Variants in ARHGAP26 observed in about 807,000 individuals in gnomAD.
The protein encoded by ARHGAP26 is Rho GTPase activating protein 26.
A neutral mutation model predicts 104.8 loss-of-function variants in ARHGAP26; 38 were observed. The ratio of observed to expected loss-of-function variants is 0.36; its 90% confidence interval spans 0.28 to 0.48. ARHGAP26 has a LOEUF of 0.48. Ranked by LOEUF, ARHGAP26 falls within the 20% of genes least tolerant of loss-of-function variation. The pLI is 0.99. For synonymous variants in ARHGAP26, 341 were observed against 340.0 expected (o/e 1.00, Z -0.03); for missense variants, 704 against 947.9 (o/e 0.74, Z 3.38).
In ARHGAP26 at chr5:143,031,936, C is replaced by T. The variant is rs117576564; in HGVS notation, c.1145-5260C>T. 2.0e-3 allele frequency among the ~76,000 whole-genome samples: 309 copies of T among 152,224 alleles called. 4 individuals are homozygous for T. The East Asian group carries it at 0.041, about 20-fold the overall frequency. On this transcript the variant is annotated intron_variant, in intron 12 of 22. Coordinates refer to ENST00000645722, the MANE Select transcript of ARHGAP26 (RefSeq NM_001135608.3). ...TCTCTGGATGTAACCTGCCTCCAGCCTCCCGGGGTTCATATCCTAGGCATG... is the reference window on the plus strand; with the variant it reads ...TCTCTGGATGTAACCTGCCTCCAGCTTCCCGGGGTTCATATCCTAGGCATG...
intron 11 of ARHGAP26, among the ~76,000 whole-genome samples, chr5:142,934,944 C>G (rs867208222): frequency 6.6e-6 from 1 of 152,018 alleles, no homozygotes; most frequent in Non-Finnish European, 1.5e-5. Context: ...TTAAATCATA[C>G]TTTTTTAATA....
chr5:142,799,281 A>G (rs936521441), intron 1 of ARHGAP26, among the ~76,000 whole-genome samples: 2 of 152,046 alleles, frequency 1.3e-5, no homozygotes, highest in Non-Finnish European at 2.9e-5. Context: ...ATTCGTTACA[A>G]CTCAGACTAT....
At chr5:142,775,947 C>G (rs1756235805) in intron 1 of ARHGAP26, among the ~76,000 whole-genome samples, 1 of 152,088 alleles carries the variant, frequency 6.6e-6, no homozygotes, top group Non-Finnish European at 1.5e-5. Flanking sequence ...AGTATGATCA[C>G]TAACACTTGG....
At chr5:143,018,650 A>G (rs772594315) in intron 12 of ARHGAP26, among the ~76,000 whole-genome samples, 12 of 152,156 alleles carry the variant, frequency 7.9e-5, no homozygotes, top group Non-Finnish European at 1.3e-4. Flanking sequence ...TTAGGTTTGC[A>G]TATTTTAGTT....
chr5:143,151,131 A>G (rs2151003458), intron 20 of ARHGAP26, among the ~76,000 whole-genome samples: 1 of 152,388 alleles, frequency 6.6e-6, no homozygotes, highest in Middle Eastern at 3.4e-3. Context: ...TACCTCATCA[A>G]AAAGGACATA....
At chr5:142,836,020 G>A (rs1769482370) in intron 1 of ARHGAP26, among the ~76,000 whole-genome samples, 1 of 152,228 alleles carries the variant, frequency 6.6e-6, no homozygotes, top group Admixed American at 6.5e-5. Flanking sequence ...CCAGGCCAGG[G>A]CATCTGAATC....
At chr5:143,030,433 G>A (rs1041985433) in intron 12 of ARHGAP26, among the ~76,000 whole-genome samples, 1 of 152,160 alleles carries the variant, frequency 6.6e-6, no homozygotes, top group African/African-American at 2.4e-5. Context: ...ACCTAAATTT[G>A]CTTTTGTCTC....
chr5:142,792,120 G>A (rs1282438502), intron 1 of ARHGAP26, among the ~76,000 whole-genome samples: 1 of 152,072 alleles, frequency 6.6e-6, no homozygotes, highest in African/African-American at 2.4e-5. Context: ...CTCATACATT[G>A]TTTGCTGACA....
chr5:142,961,143 G>A (rs1259323684), intron 11 of ARHGAP26, among the ~76,000 whole-genome samples: 3 of 152,060 alleles, frequency 2.0e-5, no homozygotes, highest in African/African-American at 7.2e-5. Context: ...TCTCTTCCAT[G>A]TCTAGATCAG....
At chr5:142,866,246 C>T (rs1754262886) in intron 1 of ARHGAP26, among the ~76,000 whole-genome samples, 1 of 152,144 alleles carries the variant, frequency 6.6e-6, no homozygotes, top group Non-Finnish European at 1.5e-5. Context: ...TCTTTGAATA[C>T]ATTGATACCA....
chr5:143,010,357 A>G (rs867401263), intron 11 of ARHGAP26, among the ~76,000 whole-genome samples: 1 of 152,214 alleles, frequency 6.6e-6, no homozygotes, highest in Non-Finnish European at 1.5e-5. Context: ...CTCAGGTTCC[A>G]TATCTCTAAA....
At chr5:142,945,999 C>G (rs971737875) in intron 11 of ARHGAP26, among the ~76,000 whole-genome samples, 1 of 152,170 alleles carries the variant, frequency 6.6e-6, no homozygotes, top group South Asian at 2.1e-4. Context: ...TAGCTGATGT[C>G]CAGATAGTTG....
rs1770610117 is a variant in ARHGAP26 at position 142,963,181 on chromosome 5, T to TATATATATATATATAC, written c.1107+31071_1107+31072insCATATATATATATATA. ...ATTCCATGGTATATATGTATATATA[T>TATATATATATATATAC]ATATATATATATATATATGTGTGTG... On this transcript the variant is annotated intron_variant, in intron 11 of 22. Transcript: ENST00000645722. 7.6e-4 allele frequency among the ~76,000 whole-genome samples: 85 copies of TATATATATATATATAC among 111,494 alleles called. 5 individuals are homozygous for TATATATATATATATAC. Among genetic ancestry groups the TATATATATATATATAC allele is most frequent in the African/African-American group, 4.1e-3 (80 of 19,562 alleles). 73.1% of individuals were successfully genotyped at this position (111,494 alleles called of 152,430 possible).
intron 17 of ARHGAP26, among the ~76,000 whole-genome samples, chr5:143,096,036 AATT>A (rs1792258901): frequency 6.6e-6 from 1 of 152,244 alleles, no homozygotes; most frequent in Admixed American, 6.5e-5. Context: ...TTTTTAAAAA[AATT>A]ATTACAATGT....
intron 17 of ARHGAP26, among the ~76,000 whole-genome samples, chr5:143,115,637 C>T (rs138564541): frequency 5.3e-5 from 8 of 152,160 alleles, no homozygotes; most frequent in African/African-American, 1.9e-4. Flanking sequence ...AGCACTACCT[C>T]GACAGCCACC....
At chr5:142,823,421 T>C (rs1050016065) in intron 1 of ARHGAP26, among the ~76,000 whole-genome samples, 2 of 152,186 alleles carry the variant, frequency 1.3e-5, no homozygotes, top group African/African-American at 4.8e-5. Flanking sequence ...TCTTCTTCCC[T>C]GCAGAAATAA....
At chr5:143,038,979 G>A (rs1783065093) in intron 13 of ARHGAP26, among the ~76,000 whole-genome samples, 1 of 151,710 alleles carries the variant, frequency 6.6e-6, no homozygotes, top group South Asian at 2.1e-4. Flanking sequence ...CAGACATATG[G>A]CATTTTAAAA....
intron 19 of ARHGAP26, among the ~76,000 whole-genome samples, chr5:143,134,460 C>T (rs2150901980): frequency 1.3e-5 from 2 of 152,214 alleles, no homozygotes; most frequent in South Asian, 4.1e-4. Flanking sequence ...GTGTCCTTTC[C>T]TTTTCTCGGT....
chr5:142,996,652 C>G (rs959102818), intron 11 of ARHGAP26, among the ~76,000 whole-genome samples: 1 of 151,956 alleles, frequency 6.6e-6, no homozygotes, highest in Non-Finnish European at 1.5e-5. Context: ...AGAAACCCTT[C>G]TTGGTGGTTG....
Sources: allele counts gnomAD v4.1 joint callset (sites outside exome capture counted in the v4.1 genomes callset), GRCh38; gene constraint gnomAD v4.1.1; transcripts MANE v1.5; gene names NCBI Gene and HGNC (gene_info 2026-07-23, HGNC 2026-07-21).